Variants in COL4A5 observed in about 807,000 individuals in gnomAD.
The protein encoded by COL4A5 is collagen type IV alpha 5 chain.
A neutral mutation model predicts 130.2 loss-of-function variants in COL4A5; 26 were observed. The ratio of observed to expected loss-of-function variants is 0.20; its 90% CI spans 0.15 to 0.28. COL4A5 has a LOEUF of 0.28. Among genes scored for constraint, COL4A5 ranks in the 10% least tolerant of loss-of-function variants. COL4A5 has a pLI of 1.00. For missense variants in COL4A5, 1,131 were observed against 1,344.3 expected, an observed-to-expected ratio of 0.84 and a Z score of 2.48; for synonymous variants, 496 against 439.6, an observed-to-expected ratio of 1.13 and a Z score of -1.60.
At chrX:108,613,090 AAACCTCTACC>A (rs2066864713) in intron 29 of COL4A5, among the ~76,000 whole-genome samples, 1 of 112,139 alleles carries the variant, frequency 8.9e-6, no homozygotes, top group South Asian at 3.6e-4. Flanking sequence ...CCAACATAAC[AAACCTCTACC>A]TGCACTTCCT....
intron 1 of COL4A5, among the ~76,000 whole-genome samples, chrX:108,534,154 A>G (rs868350445): frequency 1.8e-4 from 20 of 109,294 alleles, no homozygotes; most frequent in Non-Finnish European, 2.7e-4. Context: ...GAGAAAGAGA[A>G]AGAGAGAGAG....
intron 29 of COL4A5, among the ~76,000 whole-genome samples, chrX:108,611,751 C>G (rs143304408): frequency 1.1e-3 from 120 of 110,916 alleles, no homozygotes; most frequent in African/African-American, 3.5e-3. Context: ...CAATTCTACA[C>G]AATCTCTTCC....
intron 2 of COL4A5, among the ~76,000 whole-genome samples, chrX:108,543,742 A>G (rs781447087): frequency 8.9e-6 from 1 of 112,287 alleles, no homozygotes; most frequent in Non-Finnish European, 1.9e-5. Flanking sequence ...ATCCATGAGC[A>G]TGGAATGTTC....
rs61506795 is a variant in COL4A5 at position 108,601,528 on chromosome X, C to CT, written c.2041+61dup. The CT allele has an allele frequency of 0.017, 9,653 of 566,941 alleles. 184 individuals carry two copies. The highest frequency in any genetic ancestry group is 0.093 in the African/African-American group (3,262 of 35,038). 46.7% of individuals were successfully genotyped at this position (566,941 alleles called of 1,213,427 possible). A position where few individuals can be genotyped will look rare whatever the true frequency, so the allele number is the denominator to read the frequency against. The stretch of plus-strand genomic sequence containing the variant: ...TTCAAAGTAACTTCAACACCGATGG[C>CT]TTTTTTTTTTTTTTTTTTGACAGAG... On this transcript the variant is annotated intron_variant, in intron 26 of 52. Coordinates refer to ENST00000328300, the MANE Select transcript of COL4A5 (RefSeq NM_033380.3).
chrX:108,687,690 C>T lies in COL4A5; in HGVS notation c.4524C>T (p.Asp1508=). The T allele has an allele frequency of 1.7e-6, 2 of 1,202,806 alleles. No homozygotes were observed. The highest frequency in any genetic ancestry group is 2.3e-6 in the Non-Finnish European group (2 of 887,687). The change falls in exon 49 of 53, where the codon GAC becomes GAT. Residue 1508 remains aspartate (D), a synonymous_variant. Coordinates refer to ENST00000328300, the MANE Select transcript of COL4A5 (RefSeq NM_033380.3). ...VQGNKRAHGQ[D]LGTAGSCLRR... ...GAAATAAAAGAGCCCACGGTCAAGA[C>T]TTGGGTGAGATAATCAATATCTAAT...
intron 43 of COL4A5, 25 bp downstream of exon 43, chrX:108,674,778 T>TA: frequency 6.0e-6 from 1 of 167,098 alleles, no homozygotes; most frequent in Non-Finnish European, 9.8e-6. Flanking sequence ...TGGTCAATTC[T>TA]TTTTTTTTTT....
At chrX:108,658,811 T>G (rs771045568) in intron 37 of COL4A5, among the ~76,000 whole-genome samples, 5 of 111,398 alleles carry the variant, frequency 4.5e-5, no homozygotes, top group African/African-American at 1.6e-4. Context: ...ATCAAGCCTC[T>G]GAGGCATTCA....
intron 2 of COL4A5, among the ~76,000 whole-genome samples, chrX:108,542,491 T>G (rs1254847412): frequency 9.0e-6 from 1 of 111,316 alleles, no homozygotes; most frequent in African/African-American, 3.3e-5. Context: ...CCACATTTTC[T>G]TAATCCAGCC....
chrX:108,689,239 T>C, intron 49 of COL4A5: 3 of 332,395 alleles, frequency 9.0e-6, no homozygotes, highest in Non-Finnish European at 1.2e-5. Flanking sequence ...ATAATTAATT[T>C]AATTTAATAT....
intron 10 of COL4A5, 127 bp downstream of exon 10, chrX:108,576,099 T>C (rs1420873823): frequency 2.0e-6 from 1 of 489,961 alleles, no homozygotes; most frequent in Non-Finnish European, 3.5e-6. Flanking sequence ...AATTTTCTTA[T>C]GTAAAGGTGA....
At chrX:108,464,143 A>T (rs142363161) in intron 1 of COL4A5, among the ~76,000 whole-genome samples, 1 of 111,684 alleles carries the variant, frequency 9.0e-6, no homozygotes, top group East Asian at 2.8e-4. Context: ...GTCCTCTTCC[A>T]ATATAATTTA....
At chrX:108,561,094 G>A (rs193077542) in intron 3 of COL4A5, among the ~76,000 whole-genome samples, 7 of 111,803 alleles carry the variant, frequency 6.3e-5, no homozygotes, top group African/African-American at 2.3e-4. Flanking sequence ...GGTACATGAA[G>A]TACTAAAATG....
intron 49 of COL4A5, chrX:108,689,747 G>A (rs754707483): frequency 1.3e-6 from 1 of 752,788 alleles, no homozygotes; most frequent in South Asian, 6.8e-5. Flanking sequence ...AGGATTATAG[G>A]ATGTAAGAAA....
In COL4A5 at chrX:108,591,039, T is replaced by G. The variant is rs1268523303; in HGVS notation, c.1166-19T>G. Reference sequence around the variant, plus strand: ...CATCTCTAAGATGAAATCATTTTGATCACTTTTTTGAATCTTAGGGGCTGC... The same window carrying G: ...CATCTCTAAGATGAAATCATTTTGAGCACTTTTTTGAATCTTAGGGGCTGC... On this transcript the variant is annotated intron_variant, in intron 19 of 52. Transcript: ENST00000328300. The G allele has an allele frequency of 1.5e-5, 18 of 1,199,834 alleles. No homozygotes were observed. Among genetic ancestry groups the G allele is most frequent in the African/African-American group, 5.3e-5 (3 of 57,065 alleles).
chrX:108,602,139 C>T (rs1430217280), intron 27 of COL4A5, 150 bp downstream of exon 27: 8 of 421,130 alleles, frequency 1.9e-5, no homozygotes, highest in East Asian at 4.3e-5. Context: ...AGTGTATTTT[C>T]ACTGTAAGTT....
At chrX:108,526,184 A>G (rs909746031) in intron 1 of COL4A5, among the ~76,000 whole-genome samples, 2 of 111,765 alleles carry the variant, frequency 1.8e-5, no homozygotes, top group African/African-American at 6.5e-5. Flanking sequence ...GGATGCACCT[A>G]CCTTGGGTGA....
At chrX:108,666,404 T>G (rs1454386267) in intron 38 of COL4A5, 92 bp from the exon 39 acceptor site, 1 of 633,177 alleles carries the variant, frequency 1.6e-6, no homozygotes, top group Non-Finnish European at 2.6e-6. Flanking sequence ...AAAAGCACCT[T>G]GTTTCTTTTG....
intron 1 of COL4A5, among the ~76,000 whole-genome samples, chrX:108,517,874 G>A (rs911987100): frequency 9.1e-6 from 1 of 110,203 alleles, no homozygotes; most frequent in African/African-American, 3.3e-5. Context: ...AATATTTTAT[G>A]TTTGTCTTAT....
chrX:108,645,026 G>A (rs764298398), intron 36 of COL4A5, among the ~76,000 whole-genome samples: 1 of 109,902 alleles, frequency 9.1e-6, no homozygotes, highest in Non-Finnish European at 1.9e-5. Context: ...TGAACTGAAC[G>A]ATAATAATGA....
Sources: gnomAD v4.1 joint callset for allele counts (sites outside exome capture counted in the v4.1 genomes callset) on GRCh38, gnomAD v4.1.1 for gene constraint, MANE v1.5 for transcripts, NCBI Gene and HGNC (gene_info 2026-07-23, HGNC 2026-07-21) for gene names.